Variants in EFCAB5 observed in about 807,000 individuals in gnomAD.
EFCAB5 encodes EF-hand calcium binding domain 5.
Under a neutral mutation model 167.9 loss-of-function variants are expected in EFCAB5, and 131 were observed. The observed-to-expected ratio is 0.78, with a 90% CI of 0.68 to 0.90. The LOEUF (loss-of-function observed/expected upper bound fraction) is 0.90, where lower values mean the gene tolerates loss of function less well. Among genes scored for constraint, EFCAB5 ranks in the 40% least tolerant of loss-of-function variants. The probability of loss-of-function intolerance (pLI) is 0.00; values close to 1 mark genes in which losing one functional copy is unlikely to be tolerated. For synonymous variants in EFCAB5, 574 were observed against 602.8 expected (o/e 0.95, Z 0.70); for missense variants, 1,663 against 1,745.2 (o/e 0.95, Z 0.84).
intron 22 of EFCAB5, among the ~76,000 whole-genome samples, chr17:30,096,475 C>T (rs1324278496): frequency 6.6e-6 from 1 of 151,648 alleles, no homozygotes; most frequent in Admixed American, 6.6e-5. Flanking sequence ...GCCAGAAGTT[C>T]AAGACTATGG....
intron 3 of EFCAB5, among the ~76,000 whole-genome samples, chr17:29,943,866 TCTGGA>T (rs2067342353): frequency 6.6e-6 from 1 of 151,670 alleles, no homozygotes; most frequent in African/African-American, 2.4e-5. Flanking sequence ...TCCCAGCTAC[TCTGGA>T]GGCTGAGGCA....
At chr17:30,096,058 C>T (rs1415961234) in intron 22 of EFCAB5, among the ~76,000 whole-genome samples, 4 of 152,132 alleles carry the variant, frequency 2.6e-5, no homozygotes, top group Non-Finnish European at 5.9e-5. Flanking sequence ...CTTAAAAATG[C>T]CTTTTAGTTA....
At chr17:29,940,120 G>C (rs142660867), upstream of EFCAB5, among the ~76,000 whole-genome samples, 681 of 151,236 alleles carry the variant, frequency 4.5e-3, 8 homozygotes, top group African/African-American at 0.016. Flanking sequence ...TCATTGCCGA[G>C]GCTGGAGTGC....
At chr17:30,029,566 T>C (rs1223895804) in intron 7 of EFCAB5, among the ~76,000 whole-genome samples, 1 of 152,098 alleles carries the variant, frequency 6.6e-6, no homozygotes, top group East Asian at 1.9e-4. Context: ...CTAATCTTTT[T>C]TTTTTTTTTT....
chr17:30,011,993 A>C (rs2085213084), intron 7 of EFCAB5, among the ~76,000 whole-genome samples: 1 of 152,196 alleles, frequency 6.6e-6, no homozygotes, highest in African/African-American at 2.4e-5. Flanking sequence ...ACCTAGGAAA[A>C]ACCAGGCCAT....
rs1159250402 is a variant in EFCAB5, at chr17:29,968,962, G to A, written c.362G>A (p.Arg121Lys). The change falls in exon 4 of 23, where the codon AGA becomes AAA. Residue 121 changes from arginine (R) to lysine (K), a missense_variant. Transcript: ENST00000394835. ...EHTWKKNLFE[R>K]MEARAQAMQQ... ...ACATGGAAGAAAAACCTTTTTGAAA[G>A]AATGGAGGCAAGAGCCCAAGCAATG... 6.3e-7 allele frequency: 1 copy of A among 1,590,034 alleles called. No homozygotes were observed. The highest frequency in any genetic ancestry group is 2.3e-5 in the East Asian group (1 of 44,318).
chr17:30,027,561 C>T (rs893581137), intron 7 of EFCAB5, among the ~76,000 whole-genome samples: 4 of 151,962 alleles, frequency 2.6e-5, no homozygotes, highest in Non-Finnish European at 4.4e-5. Flanking sequence ...TATGATACAG[C>T]ATACGTCCAA....
chr17:30,073,640 G>C (rs1224524668), intron 14 of EFCAB5: 1 of 707,130 alleles, frequency 1.4e-6, no homozygotes, highest in African/African-American at 1.8e-5. Flanking sequence ...CTTTCTTTTT[G>C]CCCGTAGGGA....
At chr17:30,069,956 C>T (rs1044298552) in intron 14 of EFCAB5, among the ~76,000 whole-genome samples, 2 of 152,136 alleles carry the variant, frequency 1.3e-5, no homozygotes, top group African/African-American at 4.8e-5. Context: ...AACTTGAGGC[C>T]GCCTTGGCAG....
At chr17:30,048,600 T>C (rs1031730337) in intron 8 of EFCAB5, among the ~76,000 whole-genome samples, 5 of 151,906 alleles carry the variant, frequency 3.3e-5, no homozygotes, top group African/African-American at 1.2e-4. Context: ...GTTCGAGCGA[T>C]TCTCCTACCT....
chr17:30,015,700 G>C (rs537168038), intron 7 of EFCAB5, among the ~76,000 whole-genome samples: 1 of 151,174 alleles, frequency 6.6e-6, no homozygotes, highest in South Asian at 2.1e-4. Context: ...GCATTTCCCT[G>C]ATGGCTAAAA....
intron 22 of EFCAB5, among the ~76,000 whole-genome samples, chr17:30,096,174 C>G (rs2071283945): frequency 2.0e-5 from 3 of 152,186 alleles, no homozygotes; most frequent in Non-Finnish European, 1.5e-5. Context: ...ATTTCCCATG[C>G]ATGCAAACCC....
intron 3 of EFCAB5, among the ~76,000 whole-genome samples, chr17:29,962,083 T>C (rs948306060): frequency 3.3e-5 from 5 of 152,226 alleles, no homozygotes; most frequent in Non-Finnish European, 7.3e-5. Context: ...TTATTTGTTG[T>C]AGCTTTGTAG....
At chr17:30,084,553 G>A (rs1238763829) in intron 18 of EFCAB5, among the ~76,000 whole-genome samples, 6 of 152,096 alleles carry the variant, frequency 3.9e-5, no homozygotes, top group East Asian at 1.9e-4. Context: ...GCCAAAAGTC[G>A]GGGGAGAGAA....
At chr17:29,939,387 G>T (rs1051580728), upstream of EFCAB5, among the ~76,000 whole-genome samples, 1 of 152,126 alleles carries the variant, frequency 6.6e-6, no homozygotes, top group Non-Finnish European at 1.5e-5. Context: ...AATGAGCATT[G>T]GTTTCAACTT....
At chr17:29,968,652 T>G in intron 3 of EFCAB5, 139 bp from the exon 4 acceptor site, 1 of 688,238 alleles carries the variant, frequency 1.5e-6, no homozygotes, top group Non-Finnish European at 2.3e-6. Context: ...CTTTGTCTGA[T>G]TTTCTGTTAT....
Position 30,012,503 on chromosome 17 carries a change from A to G in EFCAB5, c.1044+12527A>G, listed in dbSNP as rs551037645. The stretch of plus-strand genomic sequence containing the variant: ...TCTCTCTCTGCCTCGGCTGCCAGGC[A>G]GGGAAGGGCCCCCTGTCCAGTGGAC... On this transcript the variant is annotated intron_variant, in intron 7 of 22. Transcript: ENST00000394835. Among the ~76,000 whole-genome samples, 3 of 152,302 alleles carry G rather than the reference A, an allele frequency of 2.0e-5. No individual in the cohort carries two copies. The South Asian group carries it at 6.2e-4, about 32-fold the overall frequency.
chr17:29,971,073 CAA>C (rs57637961), intron 4 of EFCAB5, among the ~76,000 whole-genome samples: 2 of 139,476 alleles, frequency 1.4e-5, no homozygotes, highest in African/African-American at 5.4e-5. Flanking sequence ...GACCCCATCT[CAA>C]AAAAAAAAAA....
chr17:30,077,678 A>C (rs1034099413), intron 14 of EFCAB5, among the ~76,000 whole-genome samples: 1 of 152,242 alleles, frequency 6.6e-6, no homozygotes. Context: ...GATAATTCCT[A>C]TATGGCCTTA....
Sources: gnomAD v4.1 joint callset for allele counts (sites outside exome capture counted in the v4.1 genomes callset) on GRCh38, gnomAD v4.1.1 for gene constraint, MANE v1.5 for transcripts, NCBI Gene and HGNC (gene_info 2026-07-23, HGNC 2026-07-21) for gene names.